The following GRM8 variants were observed in gnomAD, a reference collection of about 807,000 sequenced individuals.
The protein encoded by GRM8 is metabotropic glutamate receptor 8.
A neutral mutation model predicts 87.2 loss-of-function variants in GRM8; 47 were observed. The ratio of observed to expected loss-of-function variants is 0.54; its 90% CI spans 0.43 to 0.69. The LOEUF is 0.69. Among genes scored for constraint, GRM8 ranks in the 30% least tolerant of loss-of-function variants. The pLI is 0.00. For missense variants in GRM8, 1,019 were observed against 1,139.2 expected (o/e 0.89, Z 1.52); for synonymous variants, 396 against 404.5 (o/e 0.98, Z 0.25).
chr7:126,784,244 C>G (rs1431783994), intron 6 of GRM8, among the ~76,000 whole-genome samples: 1 of 152,078 alleles, frequency 6.6e-6, no homozygotes, highest in Non-Finnish European at 1.5e-5. Context: ...CTCATTATTA[C>G]CCTTGTGTAC....
At chr7:126,741,420 C>T (rs534039585) in intron 7 of GRM8, among the ~76,000 whole-genome samples, 1 of 152,256 alleles carries the variant, frequency 6.6e-6, no homozygotes, top group East Asian at 1.9e-4. Context: ...AGGACTGTCA[C>T]ACAATAGCTT....
At chr7:127,021,303 C>T (rs1816238125) in intron 3 of GRM8, among the ~76,000 whole-genome samples, 1 of 138,030 alleles carries the variant, frequency 7.2e-6, no homozygotes, top group African/African-American at 2.7e-5. Context: ...CAGCTGCTTC[C>T]TTTAAGGAAC....
chr7:126,599,452 G>C (rs1048906889), intron 8 of GRM8, among the ~76,000 whole-genome samples: 1 of 151,898 alleles, frequency 6.6e-6, no homozygotes, highest in East Asian at 1.9e-4. Flanking sequence ...TTAAATTTTT[G>C]GTTTATTAAT....
chr7:127,203,115 C>A (rs11563692), intron 2 of GRM8, among the ~76,000 whole-genome samples: 24,510 of 152,108 alleles, frequency 0.16, 2,225 homozygotes, highest in Non-Finnish European at 0.2. Flanking sequence ...TAATAGAGAT[C>A]ATGTTATAAA....
At chr7:126,700,416 A>C (rs1233806111) in intron 7 of GRM8, among the ~76,000 whole-genome samples, 2 of 152,162 alleles carry the variant, frequency 1.3e-5, no homozygotes, top group African/African-American at 4.8e-5. Context: ...GTTTCAGTGA[A>C]AAGGGCAAGT....
At chr7:126,846,845 G>A (rs1233278687) in intron 6 of GRM8, among the ~76,000 whole-genome samples, 1 of 152,052 alleles carries the variant, frequency 6.6e-6, no homozygotes, top group Non-Finnish European at 1.5e-5. Flanking sequence ...ACTCTCTCAT[G>A]TTACCCAGTG....
chr7:127,016,608 A>G (rs550353197), intron 3 of GRM8, among the ~76,000 whole-genome samples: 32 of 152,100 alleles, frequency 2.1e-4, no homozygotes, highest in Non-Finnish European at 4.1e-4. Flanking sequence ...CAAACAAAAA[A>G]TGAAATGTAT....
At chr7:126,525,174 T>G (rs1219116150) in intron 9 of GRM8, among the ~76,000 whole-genome samples, 1 of 152,182 alleles carries the variant, frequency 6.6e-6, no homozygotes, top group African/African-American at 2.4e-5. Flanking sequence ...GTTTAGTGAT[T>G]GTTTTACCTG....
chr7:127,094,505 G>A (rs1265431264), intron 3 of GRM8, among the ~76,000 whole-genome samples: 1 of 152,198 alleles, frequency 6.6e-6, no homozygotes, highest in Non-Finnish European at 1.5e-5. Context: ...CATGTAAAGA[G>A]GAAAGCAGAG....
intron 2 of GRM8, among the ~76,000 whole-genome samples, chr7:127,132,689 T>G (rs540080856): frequency 5.9e-5 from 9 of 152,158 alleles, no homozygotes; most frequent in Non-Finnish European, 1.2e-4. Flanking sequence ...GAGGGAGCCT[T>G]GCCTTCCTGG....
chr7:126,475,753 CA>C (rs1419229368), intron 9 of GRM8, among the ~76,000 whole-genome samples: 3 of 151,974 alleles, frequency 2.0e-5, no homozygotes, highest in African/African-American at 7.2e-5. Flanking sequence ...CAGCATGGTG[CA>C]AATAAAAACA....
chr7:126,525,925 G>A (rs1813751173), intron 9 of GRM8, among the ~76,000 whole-genome samples: 2 of 152,004 alleles, frequency 1.3e-5, no homozygotes, highest in East Asian at 3.8e-4. Context: ...AAATAAATCT[G>A]TTTCGAATTT....
Position 127,133,647 on chromosome 7 carries a change from A to G in GRM8, c.511-26935T>C, listed in dbSNP as rs546771830. 2.7e-3 allele frequency among the ~76,000 whole-genome samples: 393 copies of G among 145,854 alleles called. 4 individuals carry two copies. The highest frequency in any genetic ancestry group is 9.3e-3 in the African/African-American group (373 of 39,944). On this transcript the variant is annotated intron_variant, in intron 2 of 10. Transcript: ENST00000339582. ...CACGAACCCGGGAGGCGGAGCTTGCAGTGAGCCGAGATCGCGCCACTGCAC... is the reference window on the plus strand; with the variant it reads ...CACGAACCCGGGAGGCGGAGCTTGCGGTGAGCCGAGATCGCGCCACTGCAC...
At chr7:126,891,496 A>T (rs758650231) in intron 6 of GRM8, among the ~76,000 whole-genome samples, 13 of 152,036 alleles carry the variant, frequency 8.6e-5, no homozygotes, top group Non-Finnish European at 1.9e-4. Flanking sequence ...ATAAAGTGTT[A>T]TATGATCTGT....
chr7:127,103,030 T>A (rs1403937011), intron 3 of GRM8, among the ~76,000 whole-genome samples: 2 of 152,174 alleles, frequency 1.3e-5, no homozygotes, highest in Non-Finnish European at 2.9e-5. Context: ...GCCCAGCTAA[T>A]TTTTGCATTT....
chr7:127,190,958 G>A (rs555402858), intron 2 of GRM8, among the ~76,000 whole-genome samples: 12 of 152,190 alleles, frequency 7.9e-5, no homozygotes, highest in Middle Eastern at 3.4e-3. Context: ...AGCTTTGAAC[G>A]TTTATGTAAG....
intron 8 of GRM8, among the ~76,000 whole-genome samples, chr7:126,550,302 A>G (rs911843554): frequency 6.6e-6 from 1 of 151,832 alleles, no homozygotes; most frequent in Admixed American, 6.6e-5. Context: ...TTTAGTAGAG[A>G]TGGGTCTCAC....
intron 2 of GRM8, among the ~76,000 whole-genome samples, chr7:127,160,065 T>C (rs143792688): frequency 6.6e-6 from 1 of 152,116 alleles, no homozygotes; most frequent in Non-Finnish European, 1.5e-5. Context: ...ATAAGAAAAC[T>C]AGAAAATGGT....
chr7:126,726,370 T>C (rs971919057), intron 7 of GRM8, among the ~76,000 whole-genome samples: 6 of 152,060 alleles, frequency 3.9e-5, no homozygotes, highest in African/African-American at 1.2e-4. Flanking sequence ...AGTTCTTTGA[T>C]ACACTAATCC....
Sources: allele counts gnomAD v4.1 joint callset (sites outside exome capture counted in the v4.1 genomes callset), GRCh38; gene constraint gnomAD v4.1.1; transcripts MANE v1.5; gene names NCBI Gene and HGNC (gene_info 2026-07-23, HGNC 2026-07-21).